Variants in FBXL2 observed in about 807,000 individuals in gnomAD.
FBXL2 encodes F-box/LRR-repeat protein 2.
Under a neutral mutation model 69.2 loss-of-function variants are expected in FBXL2, and 38 were observed. That is an observed-to-expected ratio of 0.55 (90% CI 0.42 to 0.72). The LOEUF (loss-of-function observed/expected upper bound fraction) is 0.72, where lower values mean the gene tolerates loss of function less well. Ranked by LOEUF, FBXL2 falls within the 30% of genes least tolerant of loss-of-function variation. The pLI is 0.00. For missense variants in FBXL2, 354 were observed against 520.3 expected (o/e 0.68, Z 3.11); for synonymous variants, 192 against 201.3 (o/e 0.95, Z 0.39).
chr3:33,404,658 A>G (rs1207598135), downstream of FBXL2, among the ~76,000 whole-genome samples: 2 of 152,104 alleles, frequency 1.3e-5, no homozygotes, highest in East Asian at 3.9e-4. Flanking sequence ...GAAAAAAAGG[A>G]AAGAAAAAGT....
chr3:33,394,204 T>C (rs1024972193), intron 12 of FBXL2, among the ~76,000 whole-genome samples: 1 of 148,178 alleles, frequency 6.7e-6, no homozygotes, highest in Admixed American at 6.7e-5. Context: ...ATTATTATTA[T>C]TATTATTATT....
At chr3:33,316,941 GT>G (rs1241935752) in intron 2 of FBXL2, among the ~76,000 whole-genome samples, 4 of 151,414 alleles carry the variant, frequency 2.6e-5, no homozygotes, top group African/African-American at 9.7e-5. Context: ...TCACTCTGTT[GT>G]CCAGGCTGAA....
At chr3:33,420,776 C>G in the FBXL2 span, among the ~76,000 whole-genome samples, 2 of 152,148 alleles carry the variant, frequency 1.3e-5, no homozygotes, top group African/African-American at 4.8e-5. Flanking sequence ...CGTGAGCCAC[C>G]ATGCCCAGCC....
chr3:33,328,038 G>A (rs1313131623), intron 2 of FBXL2, among the ~76,000 whole-genome samples: 1 of 150,006 alleles, frequency 6.7e-6, no homozygotes, highest in Non-Finnish European at 1.5e-5. Context: ...AAAGTCAGTA[G>A]CATTTATATA....
intron 2 of FBXL2, among the ~76,000 whole-genome samples, chr3:33,326,420 T>G (rs112688354): frequency 0.093 from 14,077 of 151,832 alleles, 685 homozygotes; most frequent in South Asian, 0.11. Context: ...GGAGAATAGC[T>G]TGAACCCAGG....
chr3:33,315,249 T>G (rs372983008), intron 2 of FBXL2, among the ~76,000 whole-genome samples: 1 of 151,670 alleles, frequency 6.6e-6, no homozygotes, highest in Admixed American at 6.6e-5. Flanking sequence ...TTTTTTTTCC[T>G]TTCTTTCTTT....
chr3:33,402,663 C>A, intron 12 of FBXL2: 1 of 545,054 alleles, frequency 1.8e-6, no homozygotes. Context: ...TCCTCTGCCA[C>A]CAAGATACAG....
chr3:33,420,488 C>CTTT, the FBXL2 span, among the ~76,000 whole-genome samples: 292 of 120,590 alleles, frequency 2.4e-3, 1 homozygote, highest in East Asian at 0.022. Flanking sequence ...ACCATACTGG[C>CTTT]TTTTTTTTTT....
intron 5 of FBXL2, among the ~76,000 whole-genome samples, chr3:33,369,233 G>C (rs1216120756): frequency 6.6e-6 from 1 of 151,698 alleles, no homozygotes; most frequent in East Asian, 2.0e-4. Context: ...TATATTTTTA[G>C]TAGAGACAGG....
At chr3:33,327,456 C>A (rs1349044868) in intron 2 of FBXL2, among the ~76,000 whole-genome samples, 3 of 152,064 alleles carry the variant, frequency 2.0e-5, no homozygotes, top group Non-Finnish European at 4.4e-5. Context: ...TAGGTTTTAT[C>A]TATCTACCTA....
At chr3:33,340,743 T>C (rs2039953315) in intron 2 of FBXL2, among the ~76,000 whole-genome samples, 3 of 151,120 alleles carry the variant, frequency 2.0e-5, no homozygotes, top group Admixed American at 1.3e-4. Flanking sequence ...AATACAAAAA[T>C]TAGCTGGGTG....
the FBXL2 span, chr3:33,408,758 CA>C: frequency 6.2e-7 from 1 of 1,613,990 alleles, no homozygotes; most frequent in Non-Finnish European, 8.5e-7. Context: ...TTTTTCTGCT[CA>C]TGTTCAACTG....
chr3:33,282,895 T>A (rs1349450308), intron 1 of FBXL2, among the ~76,000 whole-genome samples: 3 of 152,232 alleles, frequency 2.0e-5, no homozygotes, highest in East Asian at 1.9e-4. Context: ...GCACATTGAT[T>A]TTGTATCCTG....
chr3:33,342,010 T>C (rs186700359), intron 2 of FBXL2, among the ~76,000 whole-genome samples: 1 of 142,550 alleles, frequency 7.0e-6, no homozygotes, highest in African/African-American at 2.6e-5. Context: ...TTATCTTTTT[T>C]TTTTTTTTTT....
intron 2 of FBXL2, among the ~76,000 whole-genome samples, chr3:33,313,620 A>T (rs55912131): frequency 0.33 from 48,853 of 147,800 alleles, 8,850 homozygotes; most frequent in East Asian, 0.57. Flanking sequence ...TAATTGTTTT[A>T]TTTTTTTTGT....
intron 2 of FBXL2, among the ~76,000 whole-genome samples, chr3:33,339,191 T>G (rs1200327271): frequency 1.3e-5 from 2 of 152,142 alleles, no homozygotes; most frequent in African/African-American, 4.8e-5. Flanking sequence ...CCCAACATCA[T>G]TAATCATTAG....
At chr3:33,404,087 CCT>C (rs1218707124), downstream of FBXL2, among the ~76,000 whole-genome samples, 3 of 152,096 alleles carry the variant, frequency 2.0e-5, no homozygotes, top group Non-Finnish European at 4.4e-5. Flanking sequence ...ACAGTGAGAC[CCT>C]GTTTCTACCA....
At chr3:33,400,469 C>G (rs2044181567) in intron 12 of FBXL2, among the ~76,000 whole-genome samples, 1 of 152,104 alleles carries the variant, frequency 6.6e-6, no homozygotes, top group Non-Finnish European at 1.5e-5. Flanking sequence ...GGATGCTATT[C>G]AGCCATAAAA....
At chr3:33,310,925 C>T (rs2037136461) in intron 2 of FBXL2, among the ~76,000 whole-genome samples, 1 of 152,166 alleles carries the variant, frequency 6.6e-6, no homozygotes, top group Admixed American at 6.5e-5. Flanking sequence ...CAGGTGCACA[C>T]CACCACTCCT....
Sources: allele counts gnomAD v4.1 joint callset (sites outside exome capture counted in the v4.1 genomes callset), GRCh38; gene constraint gnomAD v4.1.1; transcripts MANE v1.5; gene names NCBI Gene and HGNC (gene_info 2026-07-23, HGNC 2026-07-21).